SGCZ: variants seen among roughly 807,000 people sequenced by gnomAD.
The protein encoded by SGCZ is zeta-sarcoglycan.
In SGCZ, 40 loss-of-function variants were observed where a neutral mutation model predicts 41.3. The ratio of observed to expected loss-of-function variants is 0.97; its 90% CI spans 0.75 to 1.26. The LOEUF (loss-of-function observed/expected upper bound fraction) is 1.26. Among genes scored for constraint, SGCZ ranks in the 50% most tolerant of loss-of-function variants. The pLI, the probability that SGCZ is intolerant of heterozygous loss-of-function variation, is 0.00. For missense variants in SGCZ, 552 were observed against 369.8 expected, an observed-to-expected ratio of 1.49 and a Z score of -4.04; for synonymous variants, 206 against 137.5, an observed-to-expected ratio of 1.50 and a Z score of -3.49.
intron 1 of SGCZ, among the ~76,000 whole-genome samples, chr8:14,857,368 A>G (rs1448585484): frequency 6.6e-6 from 1 of 152,190 alleles, no homozygotes; most frequent in Admixed American, 6.6e-5. Context: ...GAGATTACAG[A>G]TGAGAGATTT....
At chr8:14,209,729 A>G (rs563540619) in intron 4 of SGCZ, among the ~76,000 whole-genome samples, 1 of 152,092 alleles carries the variant, frequency 6.6e-6, no homozygotes, top group Non-Finnish European at 1.5e-5. Flanking sequence ...AAAAAACTGG[A>G]TATGTATATA....
At chr8:14,850,645 C>T (rs1367413305) in intron 1 of SGCZ, among the ~76,000 whole-genome samples, 1 of 152,166 alleles carries the variant, frequency 6.6e-6, no homozygotes, top group Non-Finnish European at 1.5e-5. Flanking sequence ...ACATGTATGA[C>T]ATGGTTAGGC....
chr8:14,212,619 C>A (rs1395914420), intron 4 of SGCZ, among the ~76,000 whole-genome samples: 1 of 152,038 alleles, frequency 6.6e-6, no homozygotes, highest in African/African-American at 2.4e-5. Context: ...GATCAAGAGT[C>A]TCTTAAGAAA....
intron 3 of SGCZ, among the ~76,000 whole-genome samples, chr8:14,288,050 C>A (rs1207742398): frequency 6.6e-6 from 1 of 151,960 alleles, no homozygotes; most frequent in Non-Finnish European, 1.5e-5. Context: ...GAGAACTATT[C>A]TTTGAGATAA....
chr8:14,555,682 T>C (rs1804013750), intron 1 of SGCZ, among the ~76,000 whole-genome samples: 1 of 152,176 alleles, frequency 6.6e-6, no homozygotes, highest in South Asian at 2.1e-4. Flanking sequence ...TTACCTGTTC[T>C]TTGCAGTAGA....
intron 1 of SGCZ, among the ~76,000 whole-genome samples, chr8:15,027,179 T>G (rs1309205267): frequency 6.6e-6 from 1 of 152,154 alleles, no homozygotes; most frequent in East Asian, 1.9e-4. Flanking sequence ...GTAAAATGAG[T>G]TTTTGACCCA....
intron 1 of SGCZ, among the ~76,000 whole-genome samples, chr8:14,601,605 G>C (rs559275469): frequency 1.3e-5 from 2 of 152,190 alleles, no homozygotes; most frequent in East Asian, 1.9e-4. Context: ...TTGGTAGTTG[G>C]TATTTGATTG....
intron 4 of SGCZ, among the ~76,000 whole-genome samples, chr8:14,218,055 C>T (rs4477022): frequency 0.99 from 151,468 of 152,258 alleles, 75,347 homozygotes; most frequent in East Asian, 1. Context: ...AAATTTCCCC[C>T]AAGCCTAGGA....
intron 1 of SGCZ, among the ~76,000 whole-genome samples, chr8:15,101,523 A>G (rs1197407584): frequency 6.6e-6 from 1 of 152,248 alleles, no homozygotes; most frequent in Non-Finnish European, 1.5e-5. Flanking sequence ...ATTGCAAATT[A>G]AAACAACATG....
At chr8:15,020,845 C>T (rs891898633) in intron 1 of SGCZ, among the ~76,000 whole-genome samples, 1 of 152,168 alleles carries the variant, frequency 6.6e-6, no homozygotes, top group Non-Finnish European at 1.5e-5. Flanking sequence ...TTCACATAGT[C>T]ATTCTGTCAA....
chr8:14,565,474 A>T (rs1365900998), intron 1 of SGCZ, among the ~76,000 whole-genome samples: 3 of 152,110 alleles, frequency 2.0e-5, no homozygotes, highest in Non-Finnish European at 4.4e-5. Context: ...CTCAGAGGTT[A>T]TCAACATGGA....
chr8:14,960,154 T>A (rs1354139603), intron 1 of SGCZ, among the ~76,000 whole-genome samples: 2 of 152,208 alleles, frequency 1.3e-5, no homozygotes, highest in African/African-American at 4.8e-5. Flanking sequence ...TTTCATCTTA[T>A]ATATCCATGA....
chr8:14,575,281 G>A (rs1438925618), intron 1 of SGCZ, among the ~76,000 whole-genome samples: 1 of 152,190 alleles, frequency 6.6e-6, no homozygotes. Flanking sequence ...ATTCCAAAAA[G>A]AGATGTACAG....
chr8:14,813,162 A>C lies in SGCZ; in HGVS notation c.40-258236T>G, dbSNP rs191711546. ...CATCTGACTGCCTCAAAGAGTTCAAAAACGATGAAGATTTGTTTTAATGCA... is the reference window on the plus strand; with the variant it reads ...CATCTGACTGCCTCAAAGAGTTCAACAACGATGAAGATTTGTTTTAATGCA... On this transcript the variant is annotated intron_variant, in intron 1 of 7. Transcript: ENST00000382080. 3.3e-3 allele frequency among the ~76,000 whole-genome samples: 497 copies of C among 152,358 alleles called. 2 individuals are homozygous for C. The highest frequency in any genetic ancestry group is 0.01 in the African/African-American group (435 of 41,582).
chr8:14,090,308 C>T lies in SGCZ; in HGVS notation c.*135G>A, dbSNP rs1172333828. On this transcript the variant is annotated 3_prime_UTR_variant, in exon 8 of 8. Coordinates refer to ENST00000382080, the MANE Select transcript of SGCZ (RefSeq NM_139167.4). ...ATCACAAGAGAAGGTGGTGGCGAAT[C>T]CCTGCTCACACTGGAAGTTGCTCTG... 3.6e-6 allele frequency: 3 copies of T among 834,782 alleles called. No homozygotes were observed. The highest frequency in any genetic ancestry group is 5.4e-6 in the Non-Finnish European group (3 of 553,800). The allele number at this position is 834,782 out of a possible 1,614,324, so 51.7% of individuals were successfully genotyped here. A position where few individuals can be genotyped will look rare whatever the true frequency, so the allele number is the denominator to read the frequency against.
chr8:14,472,419 G>A (rs775847420), intron 2 of SGCZ, among the ~76,000 whole-genome samples: 1 of 152,050 alleles, frequency 6.6e-6, no homozygotes, highest in Non-Finnish European at 1.5e-5. Context: ...CTTTGAGTCT[G>A]AATAGTGGTG....
intron 5 of SGCZ, among the ~76,000 whole-genome samples, chr8:14,114,993 C>T (rs1476236000): frequency 2.0e-5 from 3 of 151,750 alleles, no homozygotes; most frequent in Non-Finnish European, 2.9e-5. Flanking sequence ...TTGATGGAAA[C>T]GACATTTTTA....
chr8:14,298,880 T>A (rs190837609), intron 3 of SGCZ, among the ~76,000 whole-genome samples: 1 of 151,944 alleles, frequency 6.6e-6, no homozygotes, highest in Non-Finnish European at 1.5e-5. Flanking sequence ...CTAGAACAGT[T>A]CAAACAGTCT....
At chr8:15,190,936 T>C (rs556975715) in intron 1 of SGCZ, among the ~76,000 whole-genome samples, 1 of 152,168 alleles carries the variant, frequency 6.6e-6, no homozygotes, top group Non-Finnish European at 1.5e-5. Flanking sequence ...AATAATTAAT[T>C]TCTTTTCTCA....
Sources: gnomAD v4.1 joint callset for allele counts (sites outside exome capture counted in the v4.1 genomes callset) on GRCh38, gnomAD v4.1.1 for gene constraint, MANE v1.5 for transcripts, NCBI Gene and HGNC (gene_info 2026-07-23, HGNC 2026-07-21) for gene names.